FSTL5: variants seen among roughly 807,000 people sequenced by gnomAD.
The protein encoded by FSTL5 is follistatin-related protein 5.
In FSTL5, 62 loss-of-function variants were observed where a neutral mutation model predicts 89.1. That is an observed-to-expected ratio of 0.70 (90% CI 0.57 to 0.86). The LOEUF is 0.86. Among genes scored for constraint, FSTL5 ranks in the 40% least tolerant of loss-of-function variants. The pLI, the probability that FSTL5 is intolerant of heterozygous loss-of-function variation, is 0.00. For missense variants in FSTL5, 1,057 were observed against 1,001.6 expected (o/e 1.06, Z -0.75); for synonymous variants, 383 against 346.2 (o/e 1.11, Z -1.18).
chr4:161,837,413 G>A (rs1175525888), intron 4 of FSTL5, among the ~76,000 whole-genome samples: 2 of 152,088 alleles, frequency 1.3e-5, no homozygotes, highest in Non-Finnish European at 2.9e-5. Flanking sequence ...AATGAAATAA[G>A]TTCTGAAAAT....
intron 13 of FSTL5, among the ~76,000 whole-genome samples, chr4:161,473,523 C>T (rs1287443728): frequency 6.7e-6 from 1 of 149,912 alleles, no homozygotes; most frequent in Non-Finnish European, 1.5e-5. Context: ...CTTCCAGGCT[C>T]AAGTGATGCT....
intron 11 of FSTL5, among the ~76,000 whole-genome samples, chr4:161,508,473 T>C (rs1730550460): frequency 6.6e-6 from 1 of 152,190 alleles, no homozygotes; most frequent in Non-Finnish European, 1.5e-5. Context: ...AAGCACATTT[T>C]ATATGTCAAA....
intron 2 of FSTL5, among the ~76,000 whole-genome samples, chr4:162,106,394 C>T (rs1461793838): frequency 1.3e-5 from 2 of 152,128 alleles, no homozygotes; most frequent in African/African-American, 4.8e-5. Flanking sequence ...TTATAATCAT[C>T]AGCAAACAAT....
At chr4:161,864,682 T>C (rs533491726) in intron 4 of FSTL5, among the ~76,000 whole-genome samples, 29 of 152,030 alleles carry the variant, frequency 1.9e-4, no homozygotes, top group African/African-American at 6.5e-4. Flanking sequence ...CCATCCTGGC[T>C]AACGTGGTGA....
intron 15 of FSTL5, among the ~76,000 whole-genome samples, chr4:161,425,545 C>A (rs1732140466): frequency 6.6e-6 from 1 of 152,016 alleles, no homozygotes; most frequent in Non-Finnish European, 1.5e-5. Context: ...CTATTTTTTG[C>A]CCAGGAAATT....
intron 8 of FSTL5, among the ~76,000 whole-genome samples, chr4:161,557,130 CTTGT>C (rs1453394125): frequency 7.3e-5 from 11 of 151,176 alleles, no homozygotes; most frequent in Non-Finnish European, 1.5e-5. Flanking sequence ...CAATAGTACC[CTTGT>C]TTGAGTATCA....
chr4:161,529,483 C>A (rs1731339631), intron 10 of FSTL5, among the ~76,000 whole-genome samples: 2 of 142,084 alleles, frequency 1.4e-5, no homozygotes, highest in Admixed American at 7.6e-5. Flanking sequence ...TTCGACATGA[C>A]TCTTCATCTT....
At chr4:162,111,066 C>G (rs546780402) in intron 2 of FSTL5, among the ~76,000 whole-genome samples, 54 of 151,990 alleles carry the variant, frequency 3.6e-4, no homozygotes, top group Non-Finnish European at 6.8e-4. Context: ...TATCTCTATT[C>G]TTTGTCAAGA....
At chr4:161,954,650 C>T (rs553129001) in intron 3 of FSTL5, among the ~76,000 whole-genome samples, 4 of 151,722 alleles carry the variant, frequency 2.6e-5, no homozygotes, top group East Asian at 3.9e-4. Context: ...TCATGCTACA[C>T]TTGGTTTCAT....
intron 2 of FSTL5, among the ~76,000 whole-genome samples, chr4:162,085,763 T>C (rs572334477): frequency 6.6e-6 from 1 of 152,254 alleles, no homozygotes; most frequent in African/African-American, 2.4e-5. Flanking sequence ...AATAGCTCTG[T>C]CATTTGCATG....
At chr4:162,127,154 T>A (rs187007738) in intron 1 of FSTL5, among the ~76,000 whole-genome samples, 1 of 152,200 alleles carries the variant, frequency 6.6e-6, no homozygotes, top group African/African-American at 2.4e-5. Context: ...TAGAAAGTTG[T>A]CTTCCCCATT....
chr4:161,682,467 A>G lies in FSTL5; in HGVS notation c.728-25973T>C, dbSNP rs146157724. 5.9e-3 allele frequency among the ~76,000 whole-genome samples: 898 copies of G among 152,308 alleles called. 11 individuals carry two copies. Among genetic ancestry groups the G allele is most frequent in the South Asian group, 0.046 (224 of 4,830 alleles). Reference sequence around the variant, plus strand: ...GCACAACCATATCTTCTTTCTTTATATCTTTAACCTATAAGCATTTTTCTA... The same window carrying G: ...GCACAACCATATCTTCTTTCTTTATGTCTTTAACCTATAAGCATTTTTCTA... On this transcript the variant is annotated intron_variant, in intron 6 of 15. Coordinates refer to ENST00000306100, the MANE Select transcript of FSTL5 (RefSeq NM_020116.5).
At chr4:161,941,364 T>C (rs1051531370) in intron 3 of FSTL5, among the ~76,000 whole-genome samples, 7 of 151,788 alleles carry the variant, frequency 4.6e-5, no homozygotes, top group African/African-American at 1.4e-4. Context: ...GCAGAATGGA[T>C]AAAAATGGTG....
chr4:161,399,287 T>C (rs1358758461), intron 15 of FSTL5, among the ~76,000 whole-genome samples: 2 of 152,148 alleles, frequency 1.3e-5, no homozygotes, highest in East Asian at 3.8e-4. Flanking sequence ...ACTAAGAGCC[T>C]ACTGCTGACC....
At chr4:161,716,642 A>G (rs1439406002) in intron 6 of FSTL5, among the ~76,000 whole-genome samples, 1 of 152,082 alleles carries the variant, frequency 6.6e-6, no homozygotes, top group Non-Finnish European at 1.5e-5. Flanking sequence ...AGCACCTTCC[A>G]TCACTCTCAA....
chr4:161,620,729 TG>T (rs1347603643), intron 7 of FSTL5, among the ~76,000 whole-genome samples: 4 of 152,050 alleles, frequency 2.6e-5, no homozygotes, highest in Admixed American at 6.6e-5. Flanking sequence ...TGGCACAAAG[TG>T]ATAATTTAGA....
intron 4 of FSTL5, among the ~76,000 whole-genome samples, chr4:161,819,661 A>G (rs1417864024): frequency 6.6e-6 from 1 of 152,082 alleles, no homozygotes; most frequent in Non-Finnish European, 1.5e-5. Flanking sequence ...ATTTGGGGCT[A>G]GAAAAAAAAT....
chr4:161,961,285 T>C (rs931709277), intron 3 of FSTL5, among the ~76,000 whole-genome samples: 1 of 151,880 alleles, frequency 6.6e-6, no homozygotes, highest in African/African-American at 2.4e-5. Context: ...TTTTGTTTGT[T>C]TGTGTTTGTA....
intron 4 of FSTL5, among the ~76,000 whole-genome samples, chr4:161,806,502 T>C (rs1729971443): frequency 6.6e-6 from 1 of 152,064 alleles, no homozygotes; most frequent in South Asian, 2.1e-4. Flanking sequence ...GGGCAAATAT[T>C]ATAAGTAGAA....
Sources: allele counts gnomAD v4.1 joint callset (sites outside exome capture counted in the v4.1 genomes callset), GRCh38; gene constraint gnomAD v4.1.1; transcripts MANE v1.5; gene names NCBI Gene and HGNC (gene_info 2026-07-23, HGNC 2026-07-21).